BAG6: variants seen among roughly 807,000 people sequenced by gnomAD.
BAG6 encodes BAG cochaperone 6.
BAG6 carries 22 observed loss-of-function variants against 121.0 expected under a neutral mutation model. The observed-to-expected ratio is 0.18, with a 90% CI of 0.13 to 0.26. BAG6 has a LOEUF of 0.26. Ranked by LOEUF, BAG6 falls within the 10% of genes least tolerant of loss-of-function variation. BAG6 has a pLI of 1.00. For missense variants in BAG6, 1,233 were observed against 1,537.7 expected, an observed-to-expected ratio of 0.80 and a Z score of 3.31; for synonymous variants, 583 against 584.6, an observed-to-expected ratio of 1.00 and a Z score of 0.04.
Position 31,639,652 on chromosome 6 carries a change from G to A in BAG6, c.3247-6C>T. The A allele has an allele frequency of 1.2e-6, 2 of 1,604,228 alleles. No homozygotes were observed. Among genetic ancestry groups the A allele is most frequent in the Non-Finnish European group, 8.5e-7 (1 of 1,174,362 alleles). ...GGGCCCTCACCCTGCATCGTCTGGG[G>A]GACAGGGGGTTGGGAGGGAAAAGAG... is the stretch of plus-strand genomic sequence containing the variant. On this transcript the variant is annotated splice_region_variant and splice_polypyrimidine_tract_variant and intron_variant, in intron 24 of 25. Coordinates refer to ENST00000676615, the MANE Select transcript of BAG6 (RefSeq NM_001387994.1).
At position 31,641,687 on chromosome 6, in the gene BAG6, T is replaced by G. The variant is rs766001057; in HGVS notation, c.2505+89A>C. Reference sequence around the variant, plus strand: ...AAGTCCAGGGCTTGTGTGGGGGCAATTGGAGCTTTACCTGGCAGAGAAGCA... The same window carrying G: ...AAGTCCAGGGCTTGTGTGGGGGCAAGTGGAGCTTTACCTGGCAGAGAAGCA... On this transcript the variant is annotated intron_variant, in intron 17 of 25. Coordinates refer to ENST00000676615, the MANE Select transcript of BAG6 (RefSeq NM_001387994.1). This position sits in a 1 kb window ranked among gnomAD's most constrained non-coding sequence, Gnocchi z 5.7. The G allele has an allele frequency of 7.4e-6, 12 of 1,610,738 alleles. No individual in the cohort carries two copies. The highest frequency in any genetic ancestry group is 2.7e-5 in the African/African-American group (2 of 74,802).
At position 31,643,103 on chromosome 6, in the gene BAG6, G is replaced by T; in HGVS notation, c.1769C>A (p.Pro590Gln). ...AGGGGCTGGCGGTGGAGCCATACCT[G>T]GGGTCCCCTGAGCTGTAAGAAACCA... is the stretch of plus-strand genomic sequence containing the variant. ...MQPVLVAQGT[P>Q]GMAPPPAPAT... The change falls in exon 15 of 26, where the codon CCA becomes CAA. Residue 590 changes from proline (P) to glutamine (Q), a missense_variant. Pro to Gln is a moderately conservative substitution (Grantham distance 76). Around this residue, in one of 7 missense-constraint regions of BAG6, gnomAD observed 777 missense variants for 861.4 expected, o/e 0.90. Coordinates refer to ENST00000676615, the MANE Select transcript of BAG6 (RefSeq NM_001387994.1). 6.4e-7 allele frequency: 1 copy of T among 1,574,012 alleles called. No homozygotes were observed. Among genetic ancestry groups the T allele is most frequent in the Non-Finnish European group, 8.6e-7 (1 of 1,165,616 alleles).
At chr6:31,642,750 A>T in intron 15 of BAG6, 79 bp downstream of exon 15, 1 of 1,520,102 alleles carries the variant, frequency 6.6e-7, no homozygotes, top group Non-Finnish European at 9.0e-7. Context: ...CCCAGTGGTT[A>T]TATAATGGCA....
At chr6:31,639,448 C>G (rs1365512748) in intron 25 of BAG6, 52 bp downstream of exon 25, 1 of 1,578,628 alleles carries the variant, frequency 6.3e-7, no homozygotes, top group Non-Finnish European at 8.6e-7. Context: ...GAAGAGGGAC[C>G]CTAGCCCAAC....
rs748342142 is a variant in BAG6 at position 31,640,065 on chromosome 6, GAA to G, written c.3246+132_3246+133del. 10 of 882,906 alleles carry G rather than the reference GAA, an allele frequency of 1.1e-5. No individual in the cohort carries two copies. The highest frequency in any genetic ancestry group is 1.7e-5 in the African/African-American group (1 of 58,952). The allele number at this position is 882,906 out of a possible 1,614,324, so 54.7% of individuals were successfully genotyped here. ...CAACCAAGAGCAAGTCTGAATCCCA[GAA>G]AAAGTTTCCTCATTAAACGAGGGGA... On this transcript the variant is annotated intron_variant, in intron 24 of 25. Transcript: ENST00000676615. This position sits in a 1 kb window ranked among gnomAD's most constrained non-coding sequence, Gnocchi z 4.2.
chr6:31,645,183 T>C lies in BAG6; in HGVS notation c.1132A>G (p.Thr378Ala). The C allele has an allele frequency of 1.2e-6, 2 of 1,611,362 alleles. No homozygotes were observed. Among genetic ancestry groups the C allele is most frequent in the Non-Finnish European group, 1.7e-6 (2 of 1,179,138 alleles). Residue 378 changes from threonine to alanine, a missense_variant, in exon 10 of 26, where the codon ACT (threonine) becomes GCT (alanine). Around this residue, in one of 7 missense-constraint regions of BAG6, gnomAD observed 777 missense variants for 861.4 expected, o/e 0.90. Coordinates refer to ENST00000676615, the MANE Select transcript of BAG6 (RefSeq NM_001387994.1). The part of the protein sequence containing the change: ...AIPIQINVGT[T>A]VTMTGNGTRP... ...GTCCCATTTCCTGTCATGGTCACAG[T>C]GGTTCCCACATTGATCTGAAAAAGA... is the stretch of plus-strand genomic sequence containing the variant.
rs1781786028 is a variant in BAG6, at chr6:31,640,615, G to A, written c.2994+30C>T. 2 of 1,612,758 alleles carry A rather than the reference G, an allele frequency of 1.2e-6. No individual in the cohort carries two copies. Among genetic ancestry groups the A allele is most frequent in the Non-Finnish European group, 1.7e-6 (2 of 1,179,872 alleles). ...CCCAGCCCTCCACTCCACATTATCTGGCCCCTCAACCTCCCCCTCTCTAGA... is the reference window on the plus strand; with the variant it reads ...CCCAGCCCTCCACTCCACATTATCTAGCCCCTCAACCTCCCCCTCTCTAGA... On this transcript the variant is annotated intron_variant, in intron 22 of 25. Coordinates refer to ENST00000676615, the MANE Select transcript of BAG6 (RefSeq NM_001387994.1). This position sits in a 1 kb window ranked among gnomAD's most constrained non-coding sequence, Gnocchi z 4.2.
Position 31,642,099 on chromosome 6 carries a change from C to T in BAG6, c.2335+13G>A, listed in dbSNP as rs781383370. The T allele has an allele frequency of 9.3e-6, 15 of 1,608,660 alleles. No homozygotes were observed. The South Asian group carries it at 1.5e-4, about 17-fold the overall frequency. On this transcript the variant is annotated intron_variant, in intron 16 of 25. Coordinates refer to ENST00000676615, the MANE Select transcript of BAG6 (RefSeq NM_001387994.1). The stretch of plus-strand genomic sequence containing the variant: ...CCCTTCCTGGAGCAAGCCAAAGCAT[C>T]CTTTTTGCTCACCAAGGGCCCCATC...
Position 31,640,878 on chromosome 6 carries a change from G to C in BAG6, c.2848C>G (p.Leu950Val), listed in dbSNP as rs1400111544. 6.2e-7 allele frequency: 1 copy of C among 1,612,700 alleles called. No individual in the cohort carries two copies. Among genetic ancestry groups the C allele is most frequent in the East Asian group, 2.2e-5 (1 of 44,886 alleles). Residue 950 changes from leucine to valine, a missense_variant, in exon 21 of 26, where the codon CTG becomes GTG. By Grantham distance (32) the Leu-to-Val change is conservative. Coordinates refer to ENST00000676615, the MANE Select transcript of BAG6 (RefSeq NM_001387994.1). The surrounding 1 kb of genome is among the most constrained non-coding windows in gnomAD (Gnocchi z 4.2). ...LVSWLTTMMG[L>V]RLQVVLEHMP... is the part of the protein sequence containing the mutation. Reference sequence around the variant, plus strand: ...TGCTCCAGTACCACCTGAAGCCTCAGTCCCATCATAGTGGTCAGCCAGCTC... The same window carrying C: ...TGCTCCAGTACCACCTGAAGCCTCACTCCCATCATAGTGGTCAGCCAGCTC...
rs373115730 is a variant in BAG6 at position 31,647,716 on chromosome 6, T to C, written c.663A>G (p.Glu221=). The C allele has an allele frequency of 1.9e-6, 3 of 1,603,618 alleles. No individual in the cohort carries two copies. Among genetic ancestry groups the C allele is most frequent in the Non-Finnish European group, 2.5e-6 (3 of 1,176,498 alleles). The change falls in exon 7 of 26, where the codon GAA becomes GAG. Residue 221 remains glutamate, a synonymous_variant. Coordinates refer to ENST00000676615, the MANE Select transcript of BAG6 (RefSeq NM_001387994.1). ...CCTCCATGGGCTCCCGGGGAGGTGC[T>C]TCACTTTCAACTGGTTCTGATGTTT... The part of the protein sequence containing the change: ...SSQTSEPVES[E]APPREPMEAE...
At chr6:31,646,761 TTTTTG>T in intron 7 of BAG6, among the ~76,000 whole-genome samples, 2 of 128,686 alleles carry the variant, frequency 1.6e-5, no homozygotes, top group Non-Finnish European at 3.3e-5. Flanking sequence ...ACCCGGCTAA[TTTTTG>T]TTTTTTTTTT....
In BAG6 at chr6:31,646,534, A is replaced by C. The variant is rs1024395807; in HGVS notation, c.789-11T>G. 6.2e-7 allele frequency: 1 copy of C among 1,611,454 alleles called. No homozygotes were observed. The highest frequency in any genetic ancestry group is 8.5e-7 in the Non-Finnish European group (1 of 1,179,478). Reference sequence around the variant, plus strand: ...GCAGGGGAAGGATGGCTGTGGACAAACCCAAGGGGCAATGAGCCAAAGCCT... The same window carrying C: ...GCAGGGGAAGGATGGCTGTGGACAACCCCAAGGGGCAATGAGCCAAAGCCT... On this transcript the variant is annotated splice_polypyrimidine_tract_variant and intron_variant, in intron 7 of 25. Coordinates refer to ENST00000676615, the MANE Select transcript of BAG6 (RefSeq NM_001387994.1).
In BAG6 at chr6:31,640,630, C is replaced by CCCT; in HGVS notation, c.2994+12_2994+14dup. 1 of 1,612,946 alleles carries CCCT rather than the reference C, an allele frequency of 6.2e-7. No individual in the cohort carries two copies. Among genetic ancestry groups the CCCT allele is most frequent in the Non-Finnish European group, 8.5e-7 (1 of 1,179,952 alleles). On this transcript the variant is annotated intron_variant, in intron 22 of 25. Transcript: ENST00000676615. The surrounding 1 kb of genome is among the most constrained non-coding windows in gnomAD (Gnocchi z 4.2). ...CACATTATCTGGCCCCTCAACCTCCCCCTCTCTAGAGTACCTGAGGCTCAG... is the reference window on the plus strand; with the variant it reads ...CACATTATCTGGCCCCTCAACCTCCCCCTCCTCTCTAGAGTACCTGAGGCTCAG...
At chr6:31,642,553 A>T in intron 15 of BAG6, 150 bp from the exon 16 acceptor site, 1 of 631,438 alleles carries the variant, frequency 1.6e-6, no homozygotes, top group Admixed American at 2.9e-5. Context: ...GAAGTATGGT[A>T]GGTATTTAAC....
At chr6:31,645,250 C>A in intron 9 of BAG6, 52 bp from the exon 10 acceptor site, 1 of 1,599,620 alleles carries the variant, frequency 6.3e-7, no homozygotes, top group Non-Finnish European at 8.5e-7. Flanking sequence ...AGAGCCTAAC[C>A]AAGAAAACCT....
At chr6:31,646,923 G>A (rs536932319) in intron 7 of BAG6, among the ~76,000 whole-genome samples, 5 of 151,876 alleles carry the variant, frequency 3.3e-5, no homozygotes, top group South Asian at 4.2e-4. Context: ...ACAGGTGCCC[G>A]CCACCATGCC....
intron 7 of BAG6, 142 bp downstream of exon 7, chr6:31,647,449 A>C: frequency 8.1e-7 from 1 of 1,234,654 alleles, no homozygotes; most frequent in Non-Finnish European, 1.1e-6. Context: ...CTATACCGAG[A>C]GAGCCCCTCC....
intron 7 of BAG6, among the ~76,000 whole-genome samples, 162 bp downstream of exon 7, chr6:31,647,429 C>A (rs929541877): frequency 2.0e-5 from 3 of 152,174 alleles, no homozygotes; most frequent in Non-Finnish European, 4.4e-5. Context: ...CCTGTCCTAG[C>A]GTCATTTACC....
At position 31,640,176 on chromosome 6, in the gene BAG6, G is replaced by C. The variant is rs1161738031; in HGVS notation, c.3246+23C>G. 6.2e-7 allele frequency: 1 copy of C among 1,606,272 alleles called. No individual in the cohort carries two copies. Among genetic ancestry groups the C allele is most frequent in the South Asian group, 1.1e-5 (1 of 90,916 alleles). On this transcript the variant is annotated intron_variant, in intron 24 of 25. Transcript: ENST00000676615. This position sits in a 1 kb window ranked among gnomAD's most constrained non-coding sequence, Gnocchi z 4.2. ...CGGGGAAACCTGGATAGAGAGAGAG[G>C]CTTAGGGAAGAGGAAAACCAACCTT... is the stretch of plus-strand genomic sequence containing the variant.
Sources: allele counts gnomAD v4.1 joint callset (sites outside exome capture counted in the v4.1 genomes callset), GRCh38; gene constraint gnomAD v4.1.1; regional missense constraint gnomAD v4.1.1; non-coding constraint Gnocchi (gnomAD v3.1); transcripts MANE v1.5; gene names NCBI Gene and HGNC (gene_info 2026-07-23, HGNC 2026-07-21).